The following TRMO variants were observed in gnomAD, a reference collection of about 807,000 sequenced individuals.
TRMO encodes tRNA methyltransferase O.
TRMO carries 30 observed loss-of-function variants against 37.2 expected under a neutral mutation model. The observed-to-expected ratio is 0.81, with a 90% confidence interval of 0.60 to 1.09. The LOEUF (loss-of-function observed/expected upper bound fraction) is 1.09, where lower values mean the gene tolerates loss of function less well. TRMO is among the 50% of genes least tolerant of loss of function. The probability of loss-of-function intolerance (pLI) is 0.00; values close to 1 mark genes in which losing one functional copy is unlikely to be tolerated. For synonymous variants in TRMO, 239 were observed against 199.4 expected (o/e 1.20, Z -1.67); for missense variants, 552 against 549.5 (o/e 1.00, Z -0.05).
intron 4 of TRMO, 96 bp downstream of exon 4, chr9:97,909,864 C>CA (rs1285277080): frequency 2.2e-6 from 2 of 894,452 alleles, no homozygotes; most frequent in Non-Finnish European, 3.4e-6. Context: ...GTCATACTGA[C>CA]AAACACTCCA....
At chr9:97,922,320 A>C (rs1011940603) in intron 1 of TRMO, 98 bp downstream of exon 1, 2 of 776,096 alleles carry the variant, frequency 2.6e-6, no homozygotes, top group Non-Finnish European at 4.3e-6. Flanking sequence ...GACGCACGTC[A>C]GTTCCAGATC....
downstream of TRMO, among the ~76,000 whole-genome samples, chr9:97,899,859 C>T (rs548510741): frequency 1.3e-3 from 198 of 151,956 alleles, no homozygotes; most frequent in African/African-American, 4.4e-3. Context: ...AGCCACTGCA[C>T]GCCAGCCTGG....
intron 4 of TRMO, among the ~76,000 whole-genome samples, chr9:97,908,613 C>T (rs1376779845): frequency 1.3e-5 from 2 of 151,980 alleles, no homozygotes; most frequent in East Asian, 1.9e-4. Context: ...ATAGTAACAA[C>T]ACTCCAAGCC....
In TRMO at chr9:97,904,854, T is replaced by C. The variant is rs1158573921; in HGVS notation, c.1205A>G (p.Asp402Gly). 1.2e-6 allele frequency: 2 copies of C among 1,614,214 alleles called. No individual in the cohort carries two copies. The highest frequency in any genetic ancestry group is 2.2e-5 in the East Asian group (1 of 44,886). The change falls in exon 5 of 5, where the codon GAC (aspartate) becomes GGC (glycine). Residue 402 changes from aspartate (D) to glycine (G), a missense_variant. Coordinates refer to ENST00000375119, the MANE Select transcript of TRMO (RefSeq NM_016481.5). ...CQDRLFYFTV[D>G]IAHVTCWFGD... ...AAACCAGCAAGTGACATGCGCTATG[T>C]CTACAGTAAAGTAGAAAAGGCGGTC...
At chr9:97,915,572 C>T (rs1036855289) in intron 2 of TRMO, 1 of 152,206 alleles carries the variant, frequency 6.6e-6, no homozygotes, top group African/African-American at 2.4e-5. Flanking sequence ...GCATTCATCA[C>T]CATTAGAACC....
intron 4 of TRMO, among the ~76,000 whole-genome samples, chr9:97,908,142 G>A (rs1326808749): frequency 6.6e-6 from 1 of 152,136 alleles, no homozygotes; most frequent in African/African-American, 2.4e-5. Flanking sequence ...GTTGGGCACG[G>A]TGGCTCACAC....
chr9:97,919,287 A>C (rs1826512840), intron 1 of TRMO, among the ~76,000 whole-genome samples: 3 of 151,852 alleles, frequency 2.0e-5, no homozygotes, highest in African/African-American at 7.3e-5. Flanking sequence ...TCTTCTTTTC[A>C]TTTGTTCAAG....
At chr9:97,920,190 T>C (rs905995654) in intron 1 of TRMO, among the ~76,000 whole-genome samples, 3 of 152,224 alleles carry the variant, frequency 2.0e-5, no homozygotes, top group Non-Finnish European at 2.9e-5. Context: ...GGTACAAATA[T>C]GAACCAGTTC....
At chr9:97,902,770 CA>C (rs1825709769), downstream of TRMO, among the ~76,000 whole-genome samples, 1 of 152,140 alleles carries the variant, frequency 6.6e-6, no homozygotes, top group Non-Finnish European at 1.5e-5. Flanking sequence ...AATAACTTTT[CA>C]AAAGAAAAAA....
At chr9:97,910,690 T>C (rs1379547653) in intron 3 of TRMO, 74 bp from the exon 4 acceptor site, 7 of 1,523,128 alleles carry the variant, frequency 4.6e-6, no homozygotes, top group Non-Finnish European at 6.2e-6. Context: ...CAGAATCCTC[T>C]AACACTGTCT....
intron 4 of TRMO, among the ~76,000 whole-genome samples, chr9:97,907,434 T>C (rs1266771736): frequency 2.0e-5 from 3 of 152,338 alleles, no homozygotes; most frequent in Middle Eastern, 3.4e-3. Context: ...TCCTTCAGGT[T>C]GGATTATCAA....
chr9:97,907,209 C>T (rs547708571), intron 4 of TRMO, among the ~76,000 whole-genome samples: 9 of 152,322 alleles, frequency 5.9e-5, no homozygotes, highest in Admixed American at 2.0e-4. Flanking sequence ...CTGCATACGG[C>T]ACTTGGCTGA....
chr9:97,907,520 T>A (rs1014125636), intron 4 of TRMO, among the ~76,000 whole-genome samples: 2 of 152,198 alleles, frequency 1.3e-5, no homozygotes, highest in Non-Finnish European at 2.9e-5. Context: ...TTTGGTTGTG[T>A]AAGCCTTTAT....
chr9:97,905,099 T>C, intron 4 of TRMO, 107 bp from the exon 5 acceptor site: 3 of 1,194,806 alleles, frequency 2.5e-6, no homozygotes, highest in Non-Finnish European at 2.4e-6. Flanking sequence ...TCACTTGACA[T>C]GGACAGGGTT....
chr9:97,904,637 A>G lies in TRMO; in HGVS notation c.*96T>C. 1 of 1,543,760 alleles carries G rather than the reference A, an allele frequency of 6.5e-7. No homozygotes were observed. Among genetic ancestry groups the G allele is most frequent in the Non-Finnish European group, 8.7e-7 (1 of 1,148,572 alleles). On this transcript the variant is annotated 3_prime_UTR_variant, in exon 5 of 5. Coordinates refer to ENST00000375119, the MANE Select transcript of TRMO (RefSeq NM_016481.5). Reference sequence around the variant, plus strand: ...ATCAATCAAAGCCATGAGATCACAAAGTGTTGCTTCTCGACACAACATTAG... The same window carrying G: ...ATCAATCAAAGCCATGAGATCACAAGGTGTTGCTTCTCGACACAACATTAG...
intron 3 of TRMO, 140 bp from the exon 4 acceptor site, chr9:97,910,756 C>T: frequency 2.1e-6 from 2 of 944,556 alleles, no homozygotes. Flanking sequence ...AGTACCAACA[C>T]ACACCCTTCT....
chr9:97,899,008 T>C, the TRMO span, among the ~76,000 whole-genome samples: 4 of 151,574 alleles, frequency 2.6e-5, no homozygotes, highest in East Asian at 7.8e-4. Context: ...CCCGGCTAAT[T>C]TTTTTATTTT....
intron 1 of TRMO, among the ~76,000 whole-genome samples, chr9:97,918,928 A>G (rs919424054): frequency 6.6e-6 from 1 of 152,188 alleles, no homozygotes; most frequent in Non-Finnish European, 1.5e-5. Flanking sequence ...ATGTACATGC[A>G]TGCCTAAACA....
At position 97,908,268 on chromosome 9, in the gene TRMO, T is replaced by C. The variant is rs570249789; in HGVS notation, c.1066+1692A>G. Among the ~76,000 whole-genome samples, 462 of 151,946 alleles carry C rather than the reference T, an allele frequency of 3.0e-3. 3 individuals are homozygous for C. The highest frequency in any genetic ancestry group is 9.0e-3 in the South Asian group (43 of 4,804). ...TCTACTAAAAATACAAAAAATTAGC[T>C]GGGTGTGGTGGCGGGCGCCTGTAGT... On this transcript the variant is annotated intron_variant, in intron 4 of 4. Transcript: ENST00000375119.
Sources: gnomAD v4.1 joint callset for allele counts (sites outside exome capture counted in the v4.1 genomes callset) on GRCh38, gnomAD v4.1.1 for gene constraint, MANE v1.5 for transcripts, NCBI Gene and HGNC (gene_info 2026-07-23, HGNC 2026-07-21) for gene names.